SLC35E1: variants seen among roughly 807,000 people sequenced by gnomAD.
SLC35E1 encodes the protein solute carrier family 35 member E1.
Under a neutral mutation model 31.0 loss-of-function variants are expected in SLC35E1, and 12 were observed. The ratio of observed to expected loss-of-function variants is 0.39; its 90% confidence interval spans 0.25 to 0.63. The LOEUF (loss-of-function observed/expected upper bound fraction) is 0.63. SLC35E1 is among the 20% of genes least tolerant of loss of function. The pLI, the probability that SLC35E1 is intolerant of heterozygous loss-of-function variation, is 0.52. For missense variants in SLC35E1, 429 were observed against 572.2 expected (o/e 0.75, Z 2.55); for synonymous variants, 257 against 264.1 (o/e 0.97, Z 0.26).
intron 4 of SLC35E1, among the ~76,000 whole-genome samples, chr19:16,558,832 T>C (rs2085889932): frequency 6.8e-6 from 1 of 146,662 alleles, no homozygotes; most frequent in Non-Finnish European, 1.5e-5. Context: ...TGCAACAGCA[T>C]GGTCTTGGCT....
rs970944068 is a variant in SLC35E1 at position 16,561,693 on chromosome 19, A to G, written c.756+4839T>C. Among the ~76,000 whole-genome samples, 9 of 152,154 alleles carry G rather than the reference A, an allele frequency of 5.9e-5. 1 individual carries two copies. Among genetic ancestry groups the G allele is most frequent in the East Asian group, 5.8e-4 (3 of 5,194 alleles). On this transcript the variant is annotated intron_variant, in intron 4 of 5. Coordinates refer to ENST00000595753, the MANE Select transcript of SLC35E1 (RefSeq NM_024881.5). Reference sequence around the variant, plus strand: ...AGCAGACACCAGCTGACATTCTCCCATCTCATCCTCTTCCCGCCTGTTCTG... The same window carrying G: ...AGCAGACACCAGCTGACATTCTCCCGTCTCATCCTCTTCCCGCCTGTTCTG...
chr19:16,569,492 A>G (rs907099170), intron 2 of SLC35E1, among the ~76,000 whole-genome samples: 2 of 152,226 alleles, frequency 1.3e-5, no homozygotes, highest in East Asian at 3.8e-4. Flanking sequence ...AAGGTCTGGC[A>G]TGCAGGGCTA....
At chr19:16,563,580 C>T (rs2085917885) in intron 4 of SLC35E1, among the ~76,000 whole-genome samples, 1 of 152,126 alleles carries the variant, frequency 6.6e-6, no homozygotes, top group African/African-American at 2.4e-5. Flanking sequence ...GTGTCGTGAT[C>T]TCAGCTCACT....
chr19:16,567,680 G>A (rs1340877772), intron 3 of SLC35E1, among the ~76,000 whole-genome samples: 1 of 152,188 alleles, frequency 6.6e-6, no homozygotes, highest in Non-Finnish European at 1.5e-5. Flanking sequence ...TTGTGCCTCA[G>A]TGTCTGGAGT....
chr19:16,565,639 T>C (rs2085928086), intron 4 of SLC35E1: 1 of 154,484 alleles, frequency 6.5e-6, no homozygotes, highest in African/African-American at 2.4e-5. Flanking sequence ...TGCCTCAGCC[T>C]CCCAAGTAGC....
rs768348529 is a variant in SLC35E1, at chr19:16,553,887, T to C, written c.1025A>G (p.Gln342Arg). The part of the protein sequence containing the change: ...YNKTKYDANQ[Q>R]ARKHLLPVTT... Reference sequence around the variant, plus strand: ...GACGGGGAGGAGGTGCTTCCTGGCTTGCTGGTTTGCATCGTACTTGGTCTG... The same window carrying C: ...GACGGGGAGGAGGTGCTTCCTGGCTCGCTGGTTTGCATCGTACTTGGTCTG... Residue 342 changes from glutamine to arginine, a missense_variant, in exon 6 of 6, where the codon CAA (glutamine) becomes CGA (arginine). Physicochemically the swap from Gln to Arg is conservative, Grantham distance 43 (BLOSUM62 1). Transcript: ENST00000595753. 7.4e-6 allele frequency: 12 copies of C among 1,611,174 alleles called. No homozygotes were observed. The South Asian group carries it at 1.3e-4, about 18-fold the overall frequency.
intron 2 of SLC35E1, among the ~76,000 whole-genome samples, chr19:16,569,074 G>C (rs2085945388): frequency 6.6e-6 from 1 of 151,798 alleles, no homozygotes; most frequent in South Asian, 2.1e-4. Flanking sequence ...CACCAGGATG[G>C]AATGCAGTGG....
In SLC35E1 at chr19:16,571,599, G is replaced by A; in HGVS notation, c.422-17C>T. On this transcript the variant is annotated splice_polypyrimidine_tract_variant and intron_variant, in intron 1 of 5. Transcript: ENST00000595753. ...TGGCCTTGACTGCAAAGAGAGGGAT[G>A]GGCACTCAGGGGGCTGCCTGAATTT... The A allele has an allele frequency of 1.2e-6, 2 of 1,613,266 alleles. No homozygotes were observed. Among genetic ancestry groups the A allele is most frequent in the Non-Finnish European group, 1.7e-6 (2 of 1,179,814 alleles).
chr19:16,552,277 A>G lies in SLC35E1; in HGVS notation c.*1402T>C, dbSNP rs2085849445. On this transcript the variant is annotated 3_prime_UTR_variant, in exon 6 of 6. Transcript: ENST00000595753. ...TTGAAGCTTCTCTCGAAGCTTCGAA[A>G]CACTTCATTTCCTACTAAATACCAA... The G allele has an allele frequency of 1.3e-5, 2 of 151,926 alleles. No individual in the cohort carries two copies. The highest frequency in any genetic ancestry group is 1.3e-4 in the Admixed American group (2 of 15,248). The allele number at this position is 151,926 out of a possible 1,614,324, so 9.4% of individuals were successfully genotyped here.
intron 4 of SLC35E1, among the ~76,000 whole-genome samples, chr19:16,557,784 CTG>C (rs1272040805): frequency 2.0e-5 from 3 of 152,162 alleles, no homozygotes; most frequent in Non-Finnish European, 1.5e-5. Context: ...TAATGCTCCA[CTG>C]TGTGTAACAT....
intron 3 of SLC35E1, among the ~76,000 whole-genome samples, chr19:16,567,727 T>C (rs2085939081): frequency 6.6e-6 from 1 of 152,146 alleles, no homozygotes; most frequent in Non-Finnish European, 1.5e-5. Context: ...CTAATTTTTA[T>C]GTTTTTAGTA....
Position 16,571,540 on chromosome 19 carries a change from A to G in SLC35E1, c.464T>C (p.Ile155Thr), listed in dbSNP as rs1000093968. Reference sequence around the variant, plus strand: ...GGTGCTCTGCTTCTCCTTCATAATGATCCGGGACAGGAGGACCACCCAGAT... The same window carrying G: ...GGTGCTCTGCTTCTCCTTCATAATGGTCCGGGACAGGAGGACCACCCAGAT... The part of the protein sequence containing the change: ...MPIWVVLLSR[I>T]IMKEKQSTKV... The change falls in exon 2 of 6, where the codon ATC becomes ACC. Residue 155 changes from isoleucine (I) to threonine (T), a missense_variant. Ile to Thr is a moderately conservative substitution (Grantham distance 89). Transcript: ENST00000595753. The G allele has an allele frequency of 2.5e-6, 4 of 1,613,670 alleles. No homozygotes were observed. In the African/African-American group the frequency reaches 5.3e-5, roughly 22 times the overall value.
chr19:16,555,441 G>A lies in SLC35E1; in HGVS notation c.757-44C>T, dbSNP rs1235406605. 6 of 1,600,666 alleles carry A rather than the reference G, an allele frequency of 3.7e-6. No individual in the cohort carries two copies. The highest frequency in any genetic ancestry group is 5.1e-6 in the Non-Finnish European group (6 of 1,173,220). The stretch of plus-strand genomic sequence containing the variant: ...AAAGACAGCACTTCAGTGGGCAGCG[G>A]TGACCCTGCCTCCCTGTATCCACCT... On this transcript the variant is annotated intron_variant, in intron 4 of 5. Coordinates refer to ENST00000595753, the MANE Select transcript of SLC35E1 (RefSeq NM_024881.5). The surrounding 1 kb of genome is among the most constrained non-coding windows in gnomAD (Gnocchi z 4.1).
At chr19:16,565,525 CTTTT>C (rs907083170) in intron 4 of SLC35E1, 1 of 143,046 alleles carries the variant, frequency 7.0e-6, no homozygotes, top group African/African-American at 2.7e-5. Context: ...ATGTTTTTTT[CTTTT>C]TTTTTTGACA....
At chr19:16,567,907 G>GCAAT (rs1415886875) in intron 3 of SLC35E1, 125 bp downstream of exon 3, 2 of 1,298,274 alleles carry the variant, frequency 1.5e-6, no homozygotes, top group African/African-American at 3.1e-5. Context: ...CAGCAGAATG[G>GCAAT]CAATCAAGAT....
chr19:16,566,421 C>T (rs1051734969), intron 4 of SLC35E1, 111 bp downstream of exon 4: 5 of 1,467,440 alleles, frequency 3.4e-6, no homozygotes, highest in Non-Finnish European at 1.8e-6. Flanking sequence ...CGCTGGCTGT[C>T]AGGTGCCCAA....
At chr19:16,563,894 C>T (rs1030227873) in intron 4 of SLC35E1, among the ~76,000 whole-genome samples, 3 of 152,140 alleles carry the variant, frequency 2.0e-5, no homozygotes, top group African/African-American at 7.2e-5. Flanking sequence ...CAGTGAATAA[C>T]GGGTAGAATA....
In SLC35E1 at chr19:16,561,213, C is replaced by CAAAAAAAAAAAAAAAAAAAAAAAAAAA. The variant is rs59176175; in HGVS notation, c.756+5292_756+5318dup. ...TGGGCAACAGATCAAGACTCCATCTCAAAAAAAAAAAAAAAAAAAAAAAAA... is the reference window on the plus strand; with the variant it reads ...TGGGCAACAGATCAAGACTCCATCTCAAAAAAAAAAAAAAAAAAAAAAAAAAAAAAAAAAAAAAAAAAAAAAAAAAAA... On this transcript the variant is annotated intron_variant, in intron 4 of 5. Transcript: ENST00000595753. Among the ~76,000 whole-genome samples the CAAAAAAAAAAAAAAAAAAAAAAAAAAA allele has an allele frequency of 9.3e-4, 23 of 24,744 alleles. 3 individuals carry two copies. The highest frequency in any genetic ancestry group is 2.0e-3 in the African/African-American group (7 of 3,464). 16.2% of individuals were successfully genotyped at this position (24,744 alleles called of 152,430 possible). A position where few individuals can be genotyped will look rare whatever the true frequency, so the allele number is the denominator to read the frequency against.
Position 16,553,753 on chromosome 19 carries a change from T to C in SLC35E1, c.1159A>G (p.Ile387Val). The change falls in exon 6 of 6, where the codon ATC becomes GTC. Residue 387 changes from isoleucine to valine, a missense_variant. Coordinates refer to ENST00000595753, the MANE Select transcript of SLC35E1 (RefSeq NM_024881.5). ...CTGTATTGGAAGTGGTCTGTTAAGA[T>C]GTTGTTGCGGCCGTACTGATAGTCC... Reference protein sequence around the residue: ...HGDYQYGRNNILTDHFQYSRQ... With the variant: ...HGDYQYGRNNVLTDHFQYSRQ... The C allele has an allele frequency of 1.2e-6, 2 of 1,612,018 alleles. No homozygotes were observed. The highest frequency in any genetic ancestry group is 8.5e-7 in the Non-Finnish European group (1 of 1,178,852).
Sources: allele counts gnomAD v4.1 joint callset (sites outside exome capture counted in the v4.1 genomes callset), GRCh38; gene constraint gnomAD v4.1.1; non-coding constraint Gnocchi (gnomAD v3.1); transcripts MANE v1.5; gene names NCBI Gene and HGNC (gene_info 2026-07-23, HGNC 2026-07-21).